Variants in PTPRD observed in about 807,000 individuals in gnomAD.
The protein encoded by PTPRD is protein tyrosine phosphatase receptor type D.
A neutral mutation model predicts 214.5 loss-of-function variants in PTPRD; 34 were observed. The ratio of observed to expected loss-of-function variants is 0.16; its 90% CI spans 0.12 to 0.21. PTPRD has a LOEUF of 0.21. Among genes scored for constraint, PTPRD ranks in the 10% least tolerant of loss-of-function variants. The pLI is 1.00. For synonymous variants in PTPRD, 1,128 were observed against 845.7 expected (o/e 1.33, Z -5.79); for missense variants, 2,545 against 2,398.7 (o/e 1.06, Z -1.27).
At chr9:10,207,961 T>C (rs183885340) in intron 3 of PTPRD, among the ~76,000 whole-genome samples, 1 of 152,336 alleles carries the variant, frequency 6.6e-6, no homozygotes, top group Non-Finnish European at 1.5e-5. Context: ...TTCAGAGTTG[T>C]TTCCTTGGAG....
intron 14 of PTPRD, among the ~76,000 whole-genome samples, chr9:8,600,620 T>A (rs375172050): frequency 6.6e-6 from 1 of 151,890 alleles, no homozygotes; most frequent in Non-Finnish European, 1.5e-5. Flanking sequence ...GTCCCCATTA[T>A]AGGCCCCAGG....
intron 10 of PTPRD, among the ~76,000 whole-genome samples, chr9:9,118,358 C>G (rs1441000612): frequency 6.6e-6 from 1 of 152,028 alleles, no homozygotes; most frequent in East Asian, 1.9e-4. Context: ...TCCATTTAGC[C>G]CCACTTAACT....
At chr9:9,758,678 C>G (rs1167039753) in intron 6 of PTPRD, among the ~76,000 whole-genome samples, 1 of 151,954 alleles carries the variant, frequency 6.6e-6, no homozygotes, top group Non-Finnish European at 1.5e-5. Flanking sequence ...AGCAGGGAAG[C>G]AGAAAAAGAC....
chr9:10,397,260 T>C (rs1382276438), intron 2 of PTPRD, among the ~76,000 whole-genome samples: 1 of 152,058 alleles, frequency 6.6e-6, no homozygotes, highest in East Asian at 1.9e-4. Flanking sequence ...CTACTCTATG[T>C]TGCAGTTTCC....
chr9:10,183,147 G>T (rs1025927806), intron 3 of PTPRD, among the ~76,000 whole-genome samples: 1 of 152,038 alleles, frequency 6.6e-6, no homozygotes, highest in Non-Finnish European at 1.5e-5. Flanking sequence ...ATAGTAAAGT[G>T]TTCAATTTTT....
At chr9:10,270,726 A>G (rs2094370031) in intron 3 of PTPRD, among the ~76,000 whole-genome samples, 1 of 152,196 alleles carries the variant, frequency 6.6e-6, no homozygotes, top group South Asian at 2.1e-4. Context: ...TGAATGCATT[A>G]TTTCTTTCAA....
chr9:9,003,787 T>A (rs1476020891), intron 11 of PTPRD, among the ~76,000 whole-genome samples: 1 of 152,102 alleles, frequency 6.6e-6, no homozygotes, highest in Non-Finnish European at 1.5e-5. Context: ...CTTCTCTTCT[T>A]ACTAAGATTG....
At chr9:8,455,621 T>C (rs1232284348) in intron 33 of PTPRD, among the ~76,000 whole-genome samples, 4 of 152,120 alleles carry the variant, frequency 2.6e-5, no homozygotes, top group African/African-American at 9.7e-5. Flanking sequence ...AATAAAAAAA[T>C]CCACATTTAA....
At chr9:10,057,277 T>C (rs932421312) in intron 3 of PTPRD, among the ~76,000 whole-genome samples, 6 of 152,226 alleles carry the variant, frequency 3.9e-5, no homozygotes, top group Admixed American at 3.3e-4. Flanking sequence ...CTACTATCAG[T>C]CTGAGTATAG....
chr9:10,437,057 G>C (rs533597954), intron 2 of PTPRD, among the ~76,000 whole-genome samples: 2 of 151,754 alleles, frequency 1.3e-5, no homozygotes, highest in East Asian at 3.9e-4. Flanking sequence ...CACCTTCTTA[G>C]CACAACAACT....
intron 9 of PTPRD, among the ~76,000 whole-genome samples, chr9:9,183,945 T>C (rs567466269): frequency 6.6e-6 from 1 of 152,180 alleles, no homozygotes; most frequent in Admixed American, 6.6e-5. Context: ...CTCTGAAACA[T>C]ATAAAAAGGC....
intron 3 of PTPRD, among the ~76,000 whole-genome samples, chr9:10,056,371 C>T (rs2097648733): frequency 6.6e-6 from 1 of 151,212 alleles, no homozygotes; most frequent in South Asian, 2.1e-4. Context: ...GAAGATGCAC[C>T]TTTCTTCAGG....
intron 11 of PTPRD, among the ~76,000 whole-genome samples, chr9:8,874,312 C>G (rs1201043491): frequency 6.6e-6 from 1 of 152,176 alleles, no homozygotes; most frequent in African/African-American, 2.4e-5. Context: ...CCAGGACATT[C>G]TTTGTTCCTC....
At chr9:9,612,575 C>A (rs988824038) in intron 7 of PTPRD, among the ~76,000 whole-genome samples, 17 of 151,988 alleles carry the variant, frequency 1.1e-4, no homozygotes, top group African/African-American at 3.9e-4. Context: ...TCTTTCTTTC[C>A]TTCCACTTCA....
intron 2 of PTPRD, among the ~76,000 whole-genome samples, chr9:10,544,458 G>A (rs2059787066): frequency 6.6e-6 from 1 of 151,922 alleles, no homozygotes; most frequent in Non-Finnish European, 1.5e-5. Context: ...TTCTTTAACA[G>A]TGTACTTAAA....
chr9:10,355,020 C>G (rs899840263), intron 2 of PTPRD, among the ~76,000 whole-genome samples: 1 of 152,050 alleles, frequency 6.6e-6, no homozygotes, highest in Non-Finnish European at 1.5e-5. Flanking sequence ...TGTATTATTT[C>G]TCTTAAATAA....
intron 12 of PTPRD, among the ~76,000 whole-genome samples, chr9:8,660,611 G>A (rs868575281): frequency 1.7e-4 from 26 of 152,044 alleles, no homozygotes; most frequent in African/African-American, 6.3e-4. Flanking sequence ...TTTTGACCCT[G>A]GCAGACTGCC....
intron 12 of PTPRD, among the ~76,000 whole-genome samples, chr9:8,727,498 A>C (rs1398412862): frequency 6.6e-6 from 1 of 152,234 alleles, no homozygotes; most frequent in Non-Finnish European, 1.5e-5. Context: ...AATTTAGAGA[A>C]AAGAGAAACA....
At chr9:9,503,636 A>C (rs920844419) in intron 8 of PTPRD, among the ~76,000 whole-genome samples, 2 of 151,766 alleles carry the variant, frequency 1.3e-5, no homozygotes. Flanking sequence ...AAACCTCCGA[A>C]TCTTGTAGCA....
Sources: gnomAD v4.1 joint callset for allele counts (sites outside exome capture counted in the v4.1 genomes callset) on GRCh38, gnomAD v4.1.1 for gene constraint, MANE v1.5 for transcripts, NCBI Gene and HGNC (gene_info 2026-07-23, HGNC 2026-07-21) for gene names.